The following MYO1H variants were observed in gnomAD, a reference collection of about 807,000 sequenced individuals.
The protein encoded by MYO1H is unconventional myosin-Ih.
A neutral mutation model predicts 149.3 loss-of-function variants in MYO1H; 118 were observed. That is an observed-to-expected ratio of 0.79 (90% CI 0.68 to 0.92). MYO1H has a LOEUF of 0.92. Among genes scored for constraint, MYO1H ranks in the 40% least tolerant of loss-of-function variants. The pLI, the probability that MYO1H is intolerant of heterozygous loss-of-function variation, is 0.00. For missense variants in MYO1H, 1,212 were observed against 1,280.7 expected (o/e 0.95, Z 0.82); for synonymous variants, 447 against 465.2 (o/e 0.96, Z 0.50).
chr12:109,418,986 T>A (rs1369385188), intron 15 of MYO1H, among the ~76,000 whole-genome samples: 2 of 152,220 alleles, frequency 1.3e-5, no homozygotes, highest in African/African-American at 2.4e-5. Context: ...TTTGTGCAGA[T>A]AATCCGTTTA....
chr12:109,363,768 C>T lies in MYO1H; in HGVS notation c.12+15796C>T, dbSNP rs181286464. Among the ~76,000 whole-genome samples, 377 of 151,998 alleles carry T rather than the reference C, an allele frequency of 2.5e-3. 4 individuals carry two copies. The highest frequency in any genetic ancestry group is 8.7e-3 in the African/African-American group (359 of 41,490). ...CCAGTCCCACCTGCGAGAAGATGTA[C>T]CTCTGGGAGAAGTCAGAGGAGGAGG... On this transcript the variant is annotated intron_variant, in intron 1 of 31. Coordinates refer to ENST00000310903, the Ensembl canonical transcript of MYO1H.
the MYO1H span, among the ~76,000 whole-genome samples, chr12:109,337,429 G>A: frequency 6.6e-6 from 1 of 152,156 alleles, no homozygotes; most frequent in African/African-American, 2.4e-5. Flanking sequence ...GCAAGGCTGG[G>A]TAATTTATAA....
At chr12:109,409,350 G>A (rs1239067260) in intron 10 of MYO1H, among the ~76,000 whole-genome samples, 1 of 147,952 alleles carries the variant, frequency 6.8e-6, no homozygotes, top group Non-Finnish European at 1.5e-5. Context: ...TGACTACACA[G>A]GTGATGGCTA....
At chr12:109,400,904 G>T (rs1870132724) in intron 5 of MYO1H, among the ~76,000 whole-genome samples, 189 bp from the exon 6 acceptor site, 1 of 151,952 alleles carries the variant, frequency 6.6e-6, no homozygotes, top group Non-Finnish European at 1.5e-5. Context: ...AGTTTCTTGG[G>T]GTAAGCAAAA....
chr12:109,439,607 G>A, intron 23 of MYO1H, 24 bp from the exon 24 acceptor site: 1 of 1,595,352 alleles, frequency 6.3e-7, no homozygotes, highest in Non-Finnish European at 8.6e-7. Flanking sequence ...GTCCAGAAAA[G>A]TAAGAAAACA....
the MYO1H span, among the ~76,000 whole-genome samples, chr12:109,317,956 G>A: frequency 1.3e-5 from 2 of 152,106 alleles, no homozygotes; most frequent in Non-Finnish European, 2.9e-5. Flanking sequence ...GAATGACCAG[G>A]GTAGCCTTTG....
exon 24 of MYO1H, chr12:109,439,694 G>A (rs763942668): frequency 7.5e-5 from 121 of 1,613,716 alleles, no homozygotes; most frequent in Non-Finnish European, 9.9e-5. Context: ...AATTTATCGT[G>A]TTTGTGCGGA....
chr12:109,323,736 C>T, the MYO1H span, among the ~76,000 whole-genome samples: 13 of 152,290 alleles, frequency 8.5e-5, no homozygotes, highest in Middle Eastern at 3.4e-3. Flanking sequence ...AAAGCAGTAA[C>T]GAGTCGGGGT....
chr12:109,428,939 T>TG (rs1464495245), intron 19 of MYO1H, among the ~76,000 whole-genome samples: 5 of 152,226 alleles, frequency 3.3e-5, no homozygotes, highest in Non-Finnish European at 7.3e-5. Flanking sequence ...CCGGGCATGT[T>TG]GCCTCACACC....
At chr12:109,436,662 G>A in intron 22 of MYO1H, 106 bp downstream of exon 22, 5 of 747,262 alleles carry the variant, frequency 6.7e-6, no homozygotes, top group Non-Finnish European at 1.1e-5. Flanking sequence ...AAAACCTTGT[G>A]TGGTGCTATC....
At position 109,443,125 on chromosome 12, in the gene MYO1H, C is replaced by CATATGTGT. The variant is rs1566044949; in HGVS notation, c.2689-389_2689-388insATATGTGT. 8.8e-4 allele frequency among the ~76,000 whole-genome samples: 33 copies of CATATGTGT among 37,606 alleles called. 11 individuals are homozygous for CATATGTGT. Among genetic ancestry groups the CATATGTGT allele is most frequent in the Non-Finnish European group, 1.4e-3 (28 of 19,942 alleles). The allele number at this position is 37,606 out of a possible 152,430, so 24.7% of individuals were successfully genotyped here. A position where few individuals can be genotyped will look rare whatever the true frequency, so the allele number is the denominator to read the frequency against. ...GTACGTATATGTGTGTATATGTGTA[C>CATATGTGT]GTATATATGTGTGTATATGTGTACG... On this transcript the variant is annotated intron_variant, in intron 27 of 31. Transcript: ENST00000310903.
intron 20 of MYO1H, among the ~76,000 whole-genome samples, chr12:109,434,437 T>G (rs1871772918): frequency 6.6e-6 from 1 of 152,154 alleles, no homozygotes; most frequent in Non-Finnish European, 1.5e-5. Context: ...GGGGTTGCAG[T>G]GAGCCGAGAT....
At chr12:109,343,315 G>T (rs150514704), upstream of MYO1H, among the ~76,000 whole-genome samples, 253 of 152,244 alleles carry the variant, frequency 1.7e-3, no homozygotes, top group South Asian at 3.7e-3. Context: ...ATAAACTTCT[G>T]TGTAGAATGC....
At chr12:109,375,109 C>T (rs982277621) in intron 1 of MYO1H, among the ~76,000 whole-genome samples, 11 of 150,932 alleles carry the variant, frequency 7.3e-5, no homozygotes, top group Non-Finnish European at 1.2e-4. Context: ...CCTGCCTTGG[C>T]CTCCCAAAGT....
exon 3 of MYO1H, chr12:109,393,414 A>G (rs2137038709): frequency 6.3e-7 from 1 of 1,586,876 alleles, no homozygotes. Flanking sequence ...AACTTTATCA[A>G]GGGGTCAATT....
intron 1 of MYO1H, among the ~76,000 whole-genome samples, chr12:109,363,802 CT>C (rs1355670215): frequency 2.0e-5 from 3 of 152,018 alleles, no homozygotes; most frequent in Admixed American, 2.0e-4. Context: ...GGCATAGATG[CT>C]GGTGGAGGAA....
intron 5 of MYO1H, 91 bp from the exon 6 acceptor site, chr12:109,401,002 A>G (rs772449577): frequency 7.3e-6 from 8 of 1,098,002 alleles, no homozygotes; most frequent in Middle Eastern, 2.0e-4. Context: ...ATCAGACTTC[A>G]TTCAAACTTA....
At chr12:109,414,581 A>T (rs1246335260) in intron 14 of MYO1H, among the ~76,000 whole-genome samples, 1 of 152,080 alleles carries the variant, frequency 6.6e-6, no homozygotes, top group Admixed American at 6.5e-5. Flanking sequence ...AAAATATAAG[A>T]TTTAAAATTG....
chr12:109,383,626 C>T (rs1379033825), intron 1 of MYO1H, among the ~76,000 whole-genome samples: 2 of 152,160 alleles, frequency 1.3e-5, no homozygotes, highest in Admixed American at 6.6e-5. Flanking sequence ...ATTGCAGTAT[C>T]AAAGAAGTTC....
Sources: allele counts gnomAD v4.1 joint callset (sites outside exome capture counted in the v4.1 genomes callset), GRCh38; gene constraint gnomAD v4.1.1; transcripts MANE v1.5; gene names NCBI Gene and HGNC (gene_info 2026-07-23, HGNC 2026-07-21).